The following PDZRN4 variants were observed in gnomAD, a reference collection of about 807,000 sequenced individuals.
PDZRN4 encodes the protein PDZ domain-containing RING finger protein 4.
A neutral mutation model predicts 99.0 loss-of-function variants in PDZRN4; 70 were observed. The observed-to-expected ratio is 0.71, with a 90% confidence interval of 0.58 to 0.86. The LOEUF is 0.86. PDZRN4 is among the 40% of genes least tolerant of loss of function. The pLI, the probability that PDZRN4 is intolerant of heterozygous loss-of-function variation, is 0.00. For synonymous variants in PDZRN4, 551 were observed against 501.6 expected (o/e 1.10, Z -1.32); for missense variants, 1,474 against 1,331.2 (o/e 1.11, Z -1.67).
chr12:41,547,695 T>C (rs887434992), intron 5 of PDZRN4, among the ~76,000 whole-genome samples: 3 of 152,174 alleles, frequency 2.0e-5, no homozygotes, highest in African/African-American at 7.2e-5. Flanking sequence ...AATTTATGTT[T>C]CTCTTTTCTA....
chr12:41,402,115 G>GTATATA lies in PDZRN4; in HGVS notation c.844-104320_844-104315dup, dbSNP rs56031225. On this transcript the variant is annotated intron_variant, in intron 3 of 9. Transcript: ENST00000402685. ...ATATATATATATATATACACACTGA[G>GTATATA]TATATATATATATATATATATATAT... 1.3e-3 allele frequency among the ~76,000 whole-genome samples: 33 copies of GTATATA among 25,880 alleles called. 4 individuals are homozygous for GTATATA. The highest frequency in any genetic ancestry group is 6.2e-3 in the African/African-American group (17 of 2,752). The allele number at this position is 25,880 out of a possible 152,430, so 17.0% of individuals were successfully genotyped here.
intron 3 of PDZRN4, among the ~76,000 whole-genome samples, chr12:41,205,496 A>G (rs1432840588): frequency 6.6e-6 from 1 of 151,914 alleles, no homozygotes. Context: ...TTCAAGCTAC[A>G]CTGGCTTTCT....
At chr12:41,533,221 CT>C (rs1159491305) in intron 5 of PDZRN4, among the ~76,000 whole-genome samples, 3 of 151,308 alleles carry the variant, frequency 2.0e-5, no homozygotes, top group African/African-American at 7.3e-5. Flanking sequence ...GTCCCCCAGG[CT>C]GGAGGGCAGT....
At chr12:41,477,882 CT>C in intron 3 of PDZRN4, 1 of 1,551,096 alleles carries the variant, frequency 6.4e-7, no homozygotes, top group Non-Finnish European at 8.7e-7. Context: ...ACAATTTTTC[CT>C]TAAACCTTTG....
At chr12:41,505,250 C>G (rs1364465526) in intron 3 of PDZRN4, among the ~76,000 whole-genome samples, 1 of 152,148 alleles carries the variant, frequency 6.6e-6, no homozygotes, top group South Asian at 2.1e-4. Context: ...GCCTCACCAA[C>G]AGGCGGGTGG....
At chr12:41,449,933 A>C (rs2120497404) in intron 3 of PDZRN4, among the ~76,000 whole-genome samples, 1 of 152,118 alleles carries the variant, frequency 6.6e-6, no homozygotes, top group Middle Eastern at 3.4e-3. Flanking sequence ...ACTCCTCTTT[A>C]GTATAAAAAG....
intron 3 of PDZRN4, chr12:41,412,884 G>A (rs527969742): frequency 6.6e-6 from 1 of 152,298 alleles, no homozygotes; most frequent in African/African-American, 2.4e-5. Flanking sequence ...GAGGTCAGGA[G>A]TTAGAGACCA....
At chr12:41,436,356 A>G (rs1565582219) in intron 3 of PDZRN4, among the ~76,000 whole-genome samples, 2 of 152,218 alleles carry the variant, frequency 1.3e-5, no homozygotes, top group Non-Finnish European at 2.9e-5. Context: ...TGCTAGTTGC[A>G]AAGCCAATTT....
intron 3 of PDZRN4, among the ~76,000 whole-genome samples, chr12:41,460,837 GT>G (rs1266100415): frequency 6.6e-6 from 1 of 152,202 alleles, no homozygotes; most frequent in East Asian, 1.9e-4. Context: ...AGATGAATAA[GT>G]TCATGGGAAA....
At chr12:41,366,345 G>C (rs951054183) in intron 3 of PDZRN4, among the ~76,000 whole-genome samples, 1 of 152,086 alleles carries the variant, frequency 6.6e-6, no homozygotes. Flanking sequence ...ATTGGCTATT[G>C]ACAGAACAAT....
chr12:41,500,718 G>C (rs752688723), intron 3 of PDZRN4, among the ~76,000 whole-genome samples: 1 of 151,696 alleles, frequency 6.6e-6, no homozygotes, highest in Non-Finnish European at 1.5e-5. Context: ...TGTTCAAATA[G>C]AGTCAATCAT....
chr12:41,498,670 T>C (rs1242310022), intron 3 of PDZRN4, among the ~76,000 whole-genome samples: 1 of 152,118 alleles, frequency 6.6e-6, no homozygotes, highest in Non-Finnish European at 1.5e-5. Flanking sequence ...GGATTAAGTT[T>C]CTAACGTGTG....
intron 5 of PDZRN4, 91 bp from the exon 6 acceptor site, chr12:41,552,565 C>A: frequency 2.2e-6 from 2 of 928,860 alleles, no homozygotes; most frequent in Non-Finnish European, 3.4e-6. Context: ...TAATACTTGC[C>A]AGAGTAACCC....
At chr12:41,209,786 G>C (rs1950876154) in intron 3 of PDZRN4, among the ~76,000 whole-genome samples, 1 of 148,332 alleles carries the variant, frequency 6.7e-6, no homozygotes, top group Non-Finnish European at 1.5e-5. Flanking sequence ...TTGCTATTGG[G>C]AATAGTGCTG....
At chr12:41,390,562 C>CAAAAAATA (rs1952203209) in intron 3 of PDZRN4, among the ~76,000 whole-genome samples, 1 of 101,368 alleles carries the variant, frequency 9.9e-6, no homozygotes, top group Non-Finnish European at 2.0e-5. Flanking sequence ...AACTCCTAAG[C>CAAAAAATA]AAAAAAAAAA....
chr12:41,534,010 A>T lies in PDZRN4; in HGVS notation c.1204-18646A>T, dbSNP rs11180983. ...GTGCTTATCTTAGAAATTTGAGTTT[A>T]ACAATTTCAAAATTAATTAATTCTT... On this transcript the variant is annotated intron_variant, in intron 5 of 9. Coordinates refer to ENST00000402685, the MANE Select transcript of PDZRN4 (RefSeq NM_001164595.2). Among the ~76,000 whole-genome samples, 362 of 152,276 alleles carry T rather than the reference A, an allele frequency of 2.4e-3. 2 individuals are homozygous for T. The highest frequency in any genetic ancestry group is 0.02 in the Middle Eastern group (6 of 294).
intron 5 of PDZRN4, among the ~76,000 whole-genome samples, chr12:41,540,333 G>T (rs1268056938): frequency 6.6e-6 from 1 of 152,118 alleles, no homozygotes; most frequent in Non-Finnish European, 1.5e-5. Context: ...TATTTTAGGG[G>T]TGTTATAGTA....
intron 3 of PDZRN4, among the ~76,000 whole-genome samples, chr12:41,360,386 G>A (rs1454473515): frequency 2.0e-5 from 3 of 151,964 alleles, no homozygotes; most frequent in Admixed American, 6.6e-5. Flanking sequence ...CAATGTTTAG[G>A]ACACAAGTCT....
intron 3 of PDZRN4, among the ~76,000 whole-genome samples, chr12:41,339,354 G>T (rs1951799042): frequency 6.6e-6 from 1 of 152,026 alleles, no homozygotes; most frequent in African/African-American, 2.4e-5. Flanking sequence ...AAATGGTGCT[G>T]GGAAACTTGG....
Sources: allele counts gnomAD v4.1 joint callset (sites outside exome capture counted in the v4.1 genomes callset), GRCh38; gene constraint gnomAD v4.1.1; transcripts MANE v1.5; gene names NCBI Gene and HGNC (gene_info 2026-07-23, HGNC 2026-07-21).